YBX3: variants seen among roughly 807,000 people sequenced by gnomAD.
The protein encoded by YBX3 is Y-box-binding protein 3.
In YBX3, 29 loss-of-function variants were observed where a neutral mutation model predicts 42.4. That is an observed-to-expected ratio of 0.68 (90% CI 0.51 to 0.93). The LOEUF (loss-of-function observed/expected upper bound fraction) is 0.93. YBX3 is among the 40% of genes least tolerant of loss of function. The pLI, the probability that YBX3 is intolerant of heterozygous loss-of-function variation, is 0.00. For synonymous variants in YBX3, 195 were observed against 189.8 expected (o/e 1.03, Z -0.22); for missense variants, 517 against 527.5 (o/e 0.98, Z 0.19).
Position 10,722,905 on chromosome 12 carries a change from G to C in YBX3, c.207C>G (p.Ala69=), listed in dbSNP as rs1055377194. The part of the protein sequence containing the change: ...DAAPAATGTA[A]AASLATAAGS... ...CGGCGGCGGTGGCTAAAGAGGCGGC[G>C]GCCGCGGTGCCCGTGGCTGCGGGGG... The change falls in exon 1 of 10, where the codon GCC becomes GCG. Residue 69 remains alanine, a synonymous_variant. Coordinates refer to ENST00000228251, the MANE Select transcript of YBX3 (RefSeq NM_003651.5). 1 of 1,438,662 alleles carries C rather than the reference G, an allele frequency of 7.0e-7. No individual in the cohort carries two copies. Among genetic ancestry groups the C allele is most frequent in the African/African-American group, 1.5e-5 (1 of 67,936 alleles). 89.1% of individuals were successfully genotyped at this position (1,438,662 alleles called of 1,614,324 possible). A position where few individuals can be genotyped will look rare whatever the true frequency, so the allele number is the denominator to read the frequency against.
At position 10,719,152 on chromosome 12, in the gene YBX3, G is replaced by C. The variant is rs759347445; in HGVS notation, c.263-9C>G. The C allele has an allele frequency of 6.2e-7, 1 of 1,611,414 alleles. No individual in the cohort carries two copies. The highest frequency in any genetic ancestry group is 1.7e-5 in the Admixed American group (1 of 59,822). ...GCCAAGGACTTTGGTGGCTAAAATA[G>C]GATTAAGCAGATAAATTAGTATCTG... On this transcript the variant is annotated splice_polypyrimidine_tract_variant and intron_variant, in intron 1 of 9. Coordinates refer to ENST00000228251, the MANE Select transcript of YBX3 (RefSeq NM_003651.5).
At chr12:10,718,155 A>C (rs760147456) in intron 2 of YBX3, 34 bp from the exon 3 acceptor site, 1 of 1,601,074 alleles carries the variant, frequency 6.2e-7, no homozygotes, top group South Asian at 1.1e-5. Flanking sequence ...AATTAAAGGT[A>C]GTACGTATGT....
Position 10,713,330 on chromosome 12 carries a change from C to T in YBX3, c.454G>A (p.Ala152Thr), listed in dbSNP as rs940295064. 1.2e-6 allele frequency: 2 copies of T among 1,611,132 alleles called. No homozygotes were observed. The highest frequency in any genetic ancestry group is 1.1e-5 in the South Asian group (1 of 90,654). The change falls in exon 5 of 10, where the codon GCA becomes ACA. Residue 152 changes from alanine to threonine, a missense_variant. Transcript: ENST00000228251. ...GGGCCAGTCACATTGGCAGCTTCTG[C>T]ACCCTGAGAAGAAAATAAAAAGATG... ...EFDVVEGEKGAEAANVTGPDG... is the reference protein window; with the variant it reads ...EFDVVEGEKGTEAANVTGPDG...
chr12:10,718,265 T>TA, intron 2 of YBX3, 144 bp from the exon 3 acceptor site: 1 of 667,448 alleles, frequency 1.5e-6, no homozygotes, highest in South Asian at 2.5e-5. Context: ...TTCAGACACC[T>TA]AAAATCCTTG....
chr12:10,707,154 C>A (rs2120923456), intron 6 of YBX3, among the ~76,000 whole-genome samples: 1 of 152,274 alleles, frequency 6.6e-6, no homozygotes, highest in South Asian at 2.1e-4. Flanking sequence ...GGTCTCTTCT[C>A]AAATACAACT....
intron 5 of YBX3, 166 bp downstream of exon 5, chr12:10,713,045 A>C: frequency 2.1e-6 from 2 of 941,460 alleles, no homozygotes; most frequent in Non-Finnish European, 3.0e-6. Flanking sequence ...TCAATAATAC[A>C]CATTTTAAAA....
At chr12:10,706,909 C>T (rs1289006098) in intron 6 of YBX3, among the ~76,000 whole-genome samples, 8 of 151,954 alleles carry the variant, frequency 5.3e-5, no homozygotes, top group Non-Finnish European at 1.0e-4. Context: ...CCCAGCTACT[C>T]AGGAGGCTGA....
intron 7 of YBX3, chr12:10,702,890 G>A (rs1175117388): frequency 2.0e-5 from 3 of 152,152 alleles, no homozygotes; most frequent in African/African-American, 7.2e-5. Context: ...TAATTCTGTG[G>A]ATGAGATTTA....
chr12:10,718,324 C>T, intron 2 of YBX3: 1 of 511,398 alleles, frequency 2.0e-6, no homozygotes, highest in Non-Finnish European at 3.5e-6. Flanking sequence ...CTCCACATTG[C>T]CACAGTGCTT....
At chr12:10,720,948 GGGGAGGA>G (rs1381372733) in intron 1 of YBX3, 1 of 152,198 alleles carries the variant, frequency 6.6e-6, no homozygotes, top group Non-Finnish European at 1.5e-5. Context: ...GGGAAGGGTT[GGGGAGGA>G]AGACCATAGA....
intron 4 of YBX3, among the ~76,000 whole-genome samples, chr12:10,715,351 G>C (rs539188641): frequency 4.6e-5 from 7 of 151,844 alleles, no homozygotes; most frequent in African/African-American, 1.7e-4. Flanking sequence ...TTCAAGACCA[G>C]CCTGGCCAAC....
chr12:10,706,544 T>G (rs563112077), intron 6 of YBX3, among the ~76,000 whole-genome samples: 1 of 152,238 alleles, frequency 6.6e-6, no homozygotes, highest in Non-Finnish European at 1.5e-5. Context: ...AACACATTTC[T>G]TTCTTGAAAT....
rs757831259 is a variant in YBX3, at chr12:10,713,311, G to C, written c.473C>G (p.Thr158Ser). The C allele has an allele frequency of 5.6e-6, 9 of 1,613,888 alleles. No homozygotes were observed. The Admixed American group carries it at 1.2e-4, about 21-fold the overall frequency. The change falls in exon 5 of 10, where the codon ACT becomes AGT. Residue 158 changes from threonine (T) to serine (S), a missense_variant. Physicochemically the swap from Thr to Ser is moderately conservative, Grantham distance 58. Around this residue, in one of 3 missense-constraint regions of YBX3, gnomAD observed 420 missense variants for 408.5 expected, o/e 1.03. Transcript: ENST00000228251. ...TTCCACAGGAACTCCATCCGGGCCAGTCACATTGGCAGCTTCTGCACCCTG... is the reference window on the plus strand; with the variant it reads ...TTCCACAGGAACTCCATCCGGGCCACTCACATTGGCAGCTTCTGCACCCTG... Reference protein sequence around the residue: ...GEKGAEAANVTGPDGVPVEGS... With the variant: ...GEKGAEAANVSGPDGVPVEGS...
intron 3 of YBX3, among the ~76,000 whole-genome samples, chr12:10,716,978 C>A (rs1432552046): frequency 6.6e-6 from 1 of 152,178 alleles, no homozygotes; most frequent in African/African-American, 2.4e-5. Context: ...CTTCTGAGGA[C>A]CTTGACTCTA....
intron 4 of YBX3, among the ~76,000 whole-genome samples, chr12:10,713,935 G>A (rs1948229570): frequency 1.3e-5 from 2 of 152,100 alleles, no homozygotes; most frequent in Non-Finnish European, 1.5e-5. Context: ...ATGGACAAAT[G>A]GAAAATGTTT....
At chr12:10,716,556 T>C (rs1447415548) in intron 3 of YBX3, among the ~76,000 whole-genome samples, 1 of 152,236 alleles carries the variant, frequency 6.6e-6, no homozygotes, top group East Asian at 1.9e-4. Flanking sequence ...TCTCTCTTGT[T>C]CCATCAATGA....
intron 4 of YBX3, among the ~76,000 whole-genome samples, chr12:10,714,759 TTTC>T (rs1948240643): frequency 1.3e-5 from 2 of 151,948 alleles, no homozygotes; most frequent in African/African-American, 4.8e-5. Flanking sequence ...CAGTTTTTCT[TTTC>T]TTTTTTTTTT....
At chr12:10,701,608 CA>C (rs3214857) in intron 8 of YBX3, among the ~76,000 whole-genome samples, 48,929 of 151,936 alleles carry the variant, frequency 0.32, 8,487 homozygotes, top group East Asian at 0.64. Context: ...GAACAGCTTA[CA>C]AAACGGCAAC....
chr12:10,707,100 C>T (rs1446176622), intron 6 of YBX3, among the ~76,000 whole-genome samples: 2 of 152,116 alleles, frequency 1.3e-5, no homozygotes, highest in African/African-American at 4.8e-5. Flanking sequence ...CTCCCATTCA[C>T]GCCTTTCCTG....
Sources: allele counts gnomAD v4.1 joint callset (sites outside exome capture counted in the v4.1 genomes callset), GRCh38; gene constraint gnomAD v4.1.1; regional missense constraint gnomAD v4.1.1; transcripts MANE v1.5; gene names NCBI Gene and HGNC (gene_info 2026-07-23, HGNC 2026-07-21).